NKAIN2: variants seen among roughly 807,000 people sequenced by gnomAD.
NKAIN2 encodes sodium/potassium-transporting ATPase subunit beta-1-interacting protein 2.
NKAIN2 carries 14 observed loss-of-function variants against 32.6 expected under a neutral mutation model. The ratio of observed to expected loss-of-function variants is 0.43; its 90% confidence interval spans 0.28 to 0.67. The LOEUF is 0.67. Among genes scored for constraint, NKAIN2 ranks in the 30% least tolerant of loss-of-function variants. The probability of loss-of-function intolerance (pLI) is 0.17; values close to 1 mark genes in which losing one functional copy is unlikely to be tolerated. For synonymous variants in NKAIN2, 80 were observed against 87.2 expected (o/e 0.92, Z 0.46); for missense variants, 198 against 258.3 (o/e 0.77, Z 1.60).
chr6:124,495,687 A>G lies in NKAIN2; in HGVS notation c.273+140340A>G, dbSNP rs144433005. On this transcript the variant is annotated intron_variant, in intron 3 of 6. Transcript: ENST00000368417. ...TATACTAATTTTCTTCAACCAAAGAAAATTCCAAAGGATTCTAAGAGATGA... is the reference window on the plus strand; with the variant it reads ...TATACTAATTTTCTTCAACCAAAGAGAATTCCAAAGGATTCTAAGAGATGA... Among the ~76,000 whole-genome samples, 338 of 152,234 alleles carry G rather than the reference A, an allele frequency of 2.2e-3. 1 individual carries two copies. Among genetic ancestry groups the G allele is most frequent in the African/African-American group, 7.8e-3 (325 of 41,550 alleles).
intron 3 of NKAIN2, among the ~76,000 whole-genome samples, chr6:124,394,135 A>G (rs918764761): frequency 1.3e-5 from 2 of 152,136 alleles, no homozygotes; most frequent in African/African-American, 2.4e-5. Context: ...TATTTACTGC[A>G]TAGATTTCCT....
At chr6:124,573,871 C>T (rs919116873) in intron 3 of NKAIN2, among the ~76,000 whole-genome samples, 3 of 152,040 alleles carry the variant, frequency 2.0e-5, no homozygotes, top group African/African-American at 7.2e-5. Flanking sequence ...AGTCAGGCTG[C>T]GTGGAAAAAC....
chr6:124,257,383 C>T (rs570854312), intron 1 of NKAIN2, among the ~76,000 whole-genome samples: 1 of 152,240 alleles, frequency 6.6e-6, no homozygotes, highest in Non-Finnish European at 1.5e-5. Flanking sequence ...TCCTACAGCT[C>T]TTAGGAGCTC....
intron 4 of NKAIN2, among the ~76,000 whole-genome samples, chr6:124,659,704 A>G (rs1053041953): frequency 6.6e-6 from 1 of 152,080 alleles, no homozygotes; most frequent in Non-Finnish European, 1.5e-5. Context: ...CCAGAAAGTA[A>G]TAATAGCTGT....
intron 3 of NKAIN2, among the ~76,000 whole-genome samples, chr6:124,539,389 TC>T (rs1260918459): frequency 6.6e-6 from 1 of 152,166 alleles, no homozygotes; most frequent in African/African-American, 2.4e-5. Flanking sequence ...CTTTTTTTTT[TC>T]ATTCAGTCAT....
intron 3 of NKAIN2, among the ~76,000 whole-genome samples, chr6:124,632,932 G>A (rs1354503771): frequency 6.6e-6 from 1 of 152,096 alleles, no homozygotes; most frequent in East Asian, 1.9e-4. Context: ...AATTAATTTT[G>A]GCTTAGAATT....
intron 2 of NKAIN2, among the ~76,000 whole-genome samples, chr6:124,340,303 A>T (rs1011888638): frequency 2.0e-5 from 3 of 152,208 alleles, no homozygotes; most frequent in African/African-American, 4.8e-5. Context: ...AAGCCTTGTT[A>T]TAAGGACAAA....
In NKAIN2 at chr6:124,165,217, C is replaced by T. The variant is rs900089804; in HGVS notation, c.55-117788C>T. ...AAACATTTTGAAATATGTGAATATG[C>T]CTTGAAATATATTAAGAAGCTTTCT... On this transcript the variant is annotated intron_variant, in intron 1 of 6. Coordinates refer to ENST00000368417, the MANE Select transcript of NKAIN2 (RefSeq NM_001040214.3). Among the ~76,000 whole-genome samples, 6 of 151,932 alleles carry T rather than the reference C, an allele frequency of 3.9e-5. No individual in the cohort carries two copies. In the East Asian group the frequency reaches 9.7e-4, roughly 25 times the overall value.
At chr6:123,972,709 A>G (rs1170675215) in intron 1 of NKAIN2, among the ~76,000 whole-genome samples, 2 of 152,158 alleles carry the variant, frequency 1.3e-5, no homozygotes, top group East Asian at 1.9e-4. Context: ...TTTAAAACCA[A>G]CAAACATTTT....
chr6:124,692,398 CA>C (rs1266737589), intron 4 of NKAIN2, among the ~76,000 whole-genome samples: 2 of 152,110 alleles, frequency 1.3e-5, no homozygotes, highest in African/African-American at 4.8e-5. Flanking sequence ...TAAAAATAAA[CA>C]AAGCTCTGTG....
At chr6:124,323,811 G>A (rs2626124) in intron 2 of NKAIN2, among the ~76,000 whole-genome samples, 26 of 132,726 alleles carry the variant, frequency 2.0e-4, no homozygotes, top group East Asian at 1.2e-3. Context: ...TTTCTGAGAC[G>A]GAGTCTCGCT....
At chr6:123,856,974 A>G (rs572386107) in intron 1 of NKAIN2, among the ~76,000 whole-genome samples, 3 of 152,326 alleles carry the variant, frequency 2.0e-5, no homozygotes, top group Admixed American at 1.3e-4. Flanking sequence ...TCCTTTTCTG[A>G]CTACAATAAT....
At chr6:124,725,853 C>A (rs1451708605) in intron 4 of NKAIN2, among the ~76,000 whole-genome samples, 1 of 152,222 alleles carries the variant, frequency 6.6e-6, no homozygotes, top group Admixed American at 6.5e-5. Flanking sequence ...GGTGCATGCA[C>A]CGTGTGCAAG....
intron 1 of NKAIN2, among the ~76,000 whole-genome samples, chr6:124,142,105 G>A (rs534530240): frequency 6.6e-6 from 1 of 152,224 alleles, no homozygotes; most frequent in Admixed American, 6.5e-5. Context: ...AATTTACTGG[G>A]ATGTATACTA....
At chr6:124,431,349 A>G (rs981260963) in intron 3 of NKAIN2, among the ~76,000 whole-genome samples, 1 of 152,130 alleles carries the variant, frequency 6.6e-6, no homozygotes, top group Non-Finnish European at 1.5e-5. Flanking sequence ...TGAAACTACT[A>G]TCACTCCACT....
At chr6:124,430,588 T>G (rs919754452) in intron 3 of NKAIN2, among the ~76,000 whole-genome samples, 1 of 152,122 alleles carries the variant, frequency 6.6e-6, no homozygotes, top group African/African-American at 2.4e-5. Flanking sequence ...CTCTTTACAG[T>G]ATCTCCATGT....
chr6:124,118,102 G>A (rs895372731), intron 1 of NKAIN2, among the ~76,000 whole-genome samples: 3 of 152,018 alleles, frequency 2.0e-5, no homozygotes, highest in Admixed American at 1.3e-4. Context: ...CAGAGCCCTG[G>A]GGATAAGGCA....
At chr6:124,259,388 G>A (rs1391878072) in intron 1 of NKAIN2, among the ~76,000 whole-genome samples, 1 of 152,120 alleles carries the variant, frequency 6.6e-6, no homozygotes, top group Non-Finnish European at 1.5e-5. Flanking sequence ...TACTATCTGG[G>A]AGGGCTGAGA....
chr6:124,650,546 T>C (rs1390862097), intron 3 of NKAIN2, among the ~76,000 whole-genome samples: 1 of 152,084 alleles, frequency 6.6e-6, no homozygotes, highest in Non-Finnish European at 1.5e-5. Flanking sequence ...AAAGGTATCA[T>C]ATGGCAGAAA....
Sources: allele counts gnomAD v4.1 joint callset (sites outside exome capture counted in the v4.1 genomes callset), GRCh38; gene constraint gnomAD v4.1.1; transcripts MANE v1.5; gene names NCBI Gene and HGNC (gene_info 2026-07-23, HGNC 2026-07-21).